MGRN1: variants seen among roughly 807,000 people sequenced by gnomAD.
The protein encoded by MGRN1 is E3 ubiquitin-protein ligase MGRN1.
A neutral mutation model predicts 69.2 loss-of-function variants in MGRN1; 29 were observed. That is an observed-to-expected ratio of 0.42 (90% CI 0.31 to 0.57). The LOEUF is 0.57. Ranked by LOEUF, MGRN1 falls within the 20% of genes least tolerant of loss-of-function variation. MGRN1 has a pLI of 0.15. For synonymous variants in MGRN1, 470 were observed against 344.2 expected (o/e 1.37, Z -4.04); for missense variants, 998 against 796.2 (o/e 1.25, Z -3.05).
chr16:4,628,240 GC>G (rs1897796116), intron 1 of MGRN1, among the ~76,000 whole-genome samples: 1 of 151,842 alleles, frequency 6.6e-6, no homozygotes, highest in South Asian at 2.1e-4. Flanking sequence ...CAAAAAATTA[GC>G]CAGGTGTGGT....
chr16:4,668,400 C>G (rs944505038), intron 8 of MGRN1, 88 bp downstream of exon 8: 2 of 1,368,776 alleles, frequency 1.5e-6, no homozygotes, highest in Admixed American at 1.8e-5. Context: ...TAGACACACA[C>G]TCATACACAC....
At chr16:4,667,699 C>T (rs1012715275) in intron 7 of MGRN1, among the ~76,000 whole-genome samples, 1 of 152,204 alleles carries the variant, frequency 6.6e-6, no homozygotes, top group South Asian at 2.1e-4. Flanking sequence ...GATCTCAAGC[C>T]GTAATTAACC....
At position 4,688,246 on chromosome 16, in the gene MGRN1, C is replaced by T. The variant is rs2079378256; in HGVS notation, c.1619-550C>T. On this transcript the variant is annotated intron_variant, in intron 16 of 16. Coordinates refer to ENST00000262370, the MANE Select transcript of MGRN1 (RefSeq NM_015246.4). ...GCCCAAGCCCCAGGGACGCCAGACC[C>T]ATCTGGGGACAGCGCCCGGCGGCGT... The T allele has an allele frequency of 7.1e-6, 7 of 985,672 alleles. No homozygotes were observed. In the South Asian group the frequency reaches 3.3e-4, roughly 46 times the overall value. 61.1% of individuals were successfully genotyped at this position (985,672 alleles called of 1,614,324 possible).
chr16:4,662,582 C>T (rs1366781532), intron 5 of MGRN1, among the ~76,000 whole-genome samples: 1 of 152,112 alleles, frequency 6.6e-6, no homozygotes, highest in Non-Finnish European at 1.5e-5. Flanking sequence ...GGCAGTGTCT[C>T]TGTGCTGGGT....
chr16:4,657,738 C>CTTTTTTTTTTTTTTTTTTT lies in MGRN1; in HGVS notation c.561+384_561+402dup, dbSNP rs1157518931. On this transcript the variant is annotated intron_variant, in intron 5 of 16. Transcript: ENST00000262370. Reference sequence around the variant, plus strand: ...TGTTTAAAATCTTGGTGCAGACATCCTTTTTTTTTTTTTTTTTTTTTTTTT... The same window carrying CTTTTTTTTTTTTTTTTTTT: ...TGTTTAAAATCTTGGTGCAGACATCCTTTTTTTTTTTTTTTTTTTTTTTTTTTTTTTTTTTTTTTTTTTT... Among the ~76,000 whole-genome samples the CTTTTTTTTTTTTTTTTTTT allele has an allele frequency of 1.2e-4, 9 of 77,050 alleles. 1 individual carries two copies. Among genetic ancestry groups the CTTTTTTTTTTTTTTTTTTT allele is most frequent in the Non-Finnish European group, 1.7e-4 (7 of 40,554 alleles). The allele number at this position is 77,050 out of a possible 152,430, so 50.5% of individuals were successfully genotyped here.
intron 10 of MGRN1, among the ~76,000 whole-genome samples, chr16:4,674,876 A>G (rs1237562051): frequency 2.1e-5 from 3 of 142,418 alleles, no homozygotes; most frequent in African/African-American, 2.6e-5. Flanking sequence ...TCCTGACCTC[A>G]TGATCCACCC....
chr16:4,663,421 C>A (rs548810713), intron 5 of MGRN1, among the ~76,000 whole-genome samples: 1 of 132,136 alleles, frequency 7.6e-6, no homozygotes, highest in East Asian at 2.6e-4. Flanking sequence ...ATTACCATCT[C>A]CTGCAGCTCA....
intron 9 of MGRN1, among the ~76,000 whole-genome samples, chr16:4,671,830 T>C (rs1026169511): frequency 6.6e-6 from 1 of 152,194 alleles, no homozygotes; most frequent in Non-Finnish European, 1.5e-5. Context: ...TGTATGTCCA[T>C]AGAACCAGTC....
At chr16:4,651,191 C>G (rs983228645) in intron 2 of MGRN1, 1 of 152,198 alleles carries the variant, frequency 6.6e-6, no homozygotes, top group African/African-American at 2.4e-5. Context: ...AGACAGCTGG[C>G]TAACATCTTC....
At chr16:4,677,167 CG>C (rs1163743876) in intron 10 of MGRN1, 6 of 279,166 alleles carry the variant, frequency 2.1e-5, no homozygotes, top group African/African-American at 8.8e-5. Context: ...GTTTCCTGCC[CG>C]GGGCCATTTC....
intron 9 of MGRN1, among the ~76,000 whole-genome samples, chr16:4,671,862 G>A (rs1380582442): frequency 6.6e-6 from 1 of 152,188 alleles, no homozygotes; most frequent in East Asian, 1.9e-4. Context: ...CAAATAAGCC[G>A]TGGTGTACCC....
At chr16:4,682,794 C>A in intron 13 of MGRN1, 29 bp from the exon 14 acceptor site, 1 of 1,514,686 alleles carries the variant, frequency 6.6e-7, no homozygotes. Context: ...TATCCTCTCA[C>A]CCCTGCCCAC....
intron 10 of MGRN1, among the ~76,000 whole-genome samples, chr16:4,674,697 G>C (rs1274800447): frequency 8.3e-6 from 1 of 120,834 alleles, no homozygotes; most frequent in South Asian, 2.7e-4. Context: ...GCGGACTGCA[G>C]TGGCGCAATC....
chr16:4,665,227 T>C, intron 7 of MGRN1, 76 bp downstream of exon 7: 2 of 1,519,742 alleles, frequency 1.3e-6, no homozygotes, highest in Non-Finnish European at 1.8e-6. Context: ...ACGAGAAGCC[T>C]GAGCAGGGGC....
chr16:4,628,125 G>A (rs11640383), intron 1 of MGRN1, among the ~76,000 whole-genome samples: 2 of 147,296 alleles, frequency 1.4e-5, no homozygotes, highest in South Asian at 2.1e-4. Context: ...GGTGGCTCAC[G>A]CCTGTAATCC....
At chr16:4,687,114 A>G in intron 16 of MGRN1, 2 of 985,306 alleles carry the variant, frequency 2.0e-6, no homozygotes, top group Non-Finnish European at 2.4e-6. Context: ...CCATGAGCCC[A>G]CTGCTGCCGA....
intron 4 of MGRN1, 146 bp downstream of exon 4, chr16:4,652,970 T>G (rs1454202484): frequency 5.3e-6 from 6 of 1,140,060 alleles, no homozygotes; most frequent in Non-Finnish European, 7.0e-6. Context: ...TGTGAGGGGT[T>G]TCTCCCACCC....
intron 8 of MGRN1, among the ~76,000 whole-genome samples, chr16:4,670,248 GT>G (rs1296513175): frequency 6.6e-6 from 1 of 151,726 alleles, no homozygotes; most frequent in East Asian, 1.9e-4. Context: ...GTTTTATTTT[GT>G]TTTGTATTTT....
At chr16:4,643,046 C>A (rs2078197145) in intron 1 of MGRN1, among the ~76,000 whole-genome samples, 1 of 152,112 alleles carries the variant, frequency 6.6e-6, no homozygotes, top group African/African-American at 2.4e-5. Context: ...GCCTCTGCCT[C>A]CCAAGTTCAA....
Sources: allele counts gnomAD v4.1 joint callset (sites outside exome capture counted in the v4.1 genomes callset), GRCh38; gene constraint gnomAD v4.1.1; transcripts MANE v1.5; gene names NCBI Gene and HGNC (gene_info 2026-07-23, HGNC 2026-07-21).